Variants in DLGAP4 observed in about 807,000 individuals in gnomAD.
The protein encoded by DLGAP4 is DLG associated protein 4.
DLGAP4 carries 18 observed loss-of-function variants against 86.9 expected under a neutral mutation model. The observed-to-expected ratio is 0.21, with a 90% CI of 0.14 to 0.31. DLGAP4 has a LOEUF of 0.31. Among genes scored for constraint, DLGAP4 ranks in the 10% least tolerant of loss-of-function variants. DLGAP4 has a pLI of 1.00. For synonymous variants in DLGAP4, 548 were observed against 574.3 expected, an observed-to-expected ratio of 0.95 and a Z score of 0.65; for missense variants, 1,085 against 1,362.6, an observed-to-expected ratio of 0.80 and a Z score of 3.21.
At chr20:36,319,585 T>C (rs1465783619) in intron 1 of DLGAP4, among the ~76,000 whole-genome samples, 10 of 152,176 alleles carry the variant, frequency 6.6e-5, no homozygotes, top group Non-Finnish European at 1.5e-5. Flanking sequence ...GGCAGAGCCC[T>C]GCACAGAGGG....
At chr20:36,326,048 C>T (rs1406316847) in intron 1 of DLGAP4, among the ~76,000 whole-genome samples, 1 of 152,034 alleles carries the variant, frequency 6.6e-6, no homozygotes, top group African/African-American at 2.4e-5. Flanking sequence ...GTTAATGTAG[C>T]CCTCAAGATT....
At chr20:36,318,566 A>C (rs977506661) in intron 1 of DLGAP4, among the ~76,000 whole-genome samples, 11 of 151,974 alleles carry the variant, frequency 7.2e-5, no homozygotes. Context: ...TAAAGATAGG[A>C]TCTCGCTTTG....
chr20:36,496,470 G>T (rs2035891385), intron 7 of DLGAP4, among the ~76,000 whole-genome samples: 1 of 152,222 alleles, frequency 6.6e-6, no homozygotes, highest in African/African-American at 2.4e-5. Flanking sequence ...TTGGCCAGTG[G>T]TGGCATCCCC....
In DLGAP4 at chr20:36,326,835, G is replaced by A. The variant is rs75684759; in HGVS notation, c.-304+20323G>A. On this transcript the variant is annotated intron_variant, in intron 1 of 12. Transcript: ENST00000339266. ...CATTTTTTTAAGTTATTTTTGCTGG[G>A]CATGGAATTATAAGTTAACAGATTT... 9.0e-3 allele frequency among the ~76,000 whole-genome samples: 1,360 copies of A among 151,848 alleles called. 10 individuals are homozygous for A. Among genetic ancestry groups the A allele is most frequent in the Non-Finnish European group, 0.013 (898 of 67,938 alleles).
At chr20:36,461,877 C>G (rs2034095924) in intron 7 of DLGAP4, 7 of 985,028 alleles carry the variant, frequency 7.1e-6, no homozygotes, top group Non-Finnish European at 8.4e-6. Context: ...CGCGCTCCTC[C>G]GCAGCCCCTC....
rs368835058 is a variant in DLGAP4, at chr20:36,439,764, C to T, written c.1252C>T (p.Arg418Cys). ...CCCACTCCCCACCAGGAGTCTGGACCGCCTGGATTCAGTGGACATGCTGCT... is the reference window on the plus strand; with the variant it reads ...CCCACTCCCCACCAGGAGTCTGGACTGCCTGGATTCAGTGGACATGCTGCT... The part of the protein sequence containing the change: ...EQSNPRRSLD[R>C]LDSVDMLLPS... The change falls in exon 5 of 13, where the codon CGC (arginine) becomes TGC (cysteine). Residue 418 changes from arginine to cysteine, a missense_variant. Arg to Cys is a radical substitution (Grantham distance 180). This residue lies in a region of DLGAP4 where 1,082 missense variants were observed against 1,344.1 expected (regional missense o/e 0.81). Transcript: ENST00000339266. The T allele has an allele frequency of 5.0e-5, 81 of 1,613,106 alleles. No homozygotes were observed. In the Admixed American group the frequency reaches 5.5e-4, roughly 11 times the overall value.
At chr20:36,405,315 G>A (rs183627144) in intron 2 of DLGAP4, among the ~76,000 whole-genome samples, 62 of 152,288 alleles carry the variant, frequency 4.1e-4, no homozygotes, top group African/African-American at 1.4e-3. Flanking sequence ...CAGTCTCCTC[G>A]TCAGCAAAAT....
chr20:36,364,078 TTTG>T (rs782045786), intron 1 of DLGAP4, among the ~76,000 whole-genome samples: 2 of 152,016 alleles, frequency 1.3e-5, no homozygotes. Context: ...GCAGAATCTT[TTTG>T]TTTTGTTTTG....
chr20:36,472,500 C>CAAAAAAAAAAAAAAAAAAAAAAAAA (rs1217814412), intron 7 of DLGAP4, among the ~76,000 whole-genome samples: 1 of 76,352 alleles, frequency 1.3e-5, no homozygotes, highest in African/African-American at 4.5e-5. Flanking sequence ...AACCCTGTCT[C>CAAAAAAAAAAAAAAAAAAAAAAAAA]AAAAAAAAAA....
Position 36,432,589 on chromosome 20 carries a change from G to A in DLGAP4, c.872G>A (p.Arg291Gln), listed in dbSNP as rs771312585. 43 of 1,608,916 alleles carry A rather than the reference G, an allele frequency of 2.7e-5. No homozygotes were observed. The highest frequency in any genetic ancestry group is 3.1e-5 in the Non-Finnish European group (36 of 1,178,228). Residue 291 changes from arginine (R) to glutamine (Q), a missense_variant, in exon 3 of 13, where the codon CGG becomes CAG. This residue lies in a region of DLGAP4 where 1,082 missense variants were observed against 1,344.1 expected (regional missense o/e 0.81). Coordinates refer to ENST00000339266, the MANE Select transcript of DLGAP4 (RefSeq NM_001365621.2). This position sits in a 1 kb window ranked among gnomAD's most constrained non-coding sequence, Gnocchi z 6.5. Reference sequence around the variant, plus strand: ...GGCACTGACACCAACTACGTCAAACGGGGCTCCTGGTCCACTCTGACCCTC... The same window carrying A: ...GGCACTGACACCAACTACGTCAAACAGGGCTCCTGGTCCACTCTGACCCTC... ...GVGTDTNYVK[R>Q]GSWSTLTLSH...
intron 2 of DLGAP4, among the ~76,000 whole-genome samples, chr20:36,387,047 A>G (rs1210449788): frequency 6.6e-6 from 1 of 152,164 alleles, no homozygotes; most frequent in South Asian, 2.1e-4. Context: ...ATCTCTGTGA[A>G]TATGCATTAG....
Position 36,431,743 on chromosome 20 carries a change from C to T in DLGAP4, c.26C>T (p.Pro9Leu), listed in dbSNP as rs748210279. Residue 9 changes from proline (P) to leucine (L), a missense_variant, in exon 3 of 13, where the codon CCC becomes CTC. By Grantham distance (98) the Pro-to-Leu change is moderately conservative. This residue lies in a region of DLGAP4 where 1,082 missense variants were observed against 1,344.1 expected (regional missense o/e 0.81). Coordinates refer to ENST00000339266, the MANE Select transcript of DLGAP4 (RefSeq NM_001365621.2). The surrounding 1 kb of genome is among the most constrained non-coding windows in gnomAD (Gnocchi z 5.1). MKGLGDSR[P>L]RHLSDSLDPP... ...ATGAAAGGCCTCGGTGACAGCCGCC[C>T]CCGCCACCTCTCCGACAGCCTAGAC... The T allele has an allele frequency of 1.5e-5, 24 of 1,602,966 alleles. 1 individual carries two copies. In the South Asian group the frequency reaches 2.3e-4, roughly 16 times the overall value.
intron 2 of DLGAP4, among the ~76,000 whole-genome samples, chr20:36,428,600 A>G (rs2033043380): frequency 6.6e-6 from 1 of 152,182 alleles, no homozygotes; most frequent in Admixed American, 6.5e-5. Flanking sequence ...TGGTGGATCC[A>G]GCCCCCACAC....
At chr20:36,515,502 G>A (rs1218077195) in intron 10 of DLGAP4, among the ~76,000 whole-genome samples, 1 of 152,222 alleles carries the variant, frequency 6.6e-6, no homozygotes, top group Non-Finnish European at 1.5e-5. Flanking sequence ...AATAGGTAGT[G>A]TAGTCCATTT....
intron 1 of DLGAP4, among the ~76,000 whole-genome samples, chr20:36,321,354 G>A (rs1555890523): frequency 6.6e-6 from 1 of 152,274 alleles, no homozygotes; most frequent in Non-Finnish European, 1.5e-5. Context: ...AGAGCCTCAA[G>A]TGCCAGGCTG....
rs2147618807 is a variant in DLGAP4, at chr20:36,461,873, C to G, written c.1648+14936C>G. 2.0e-6 allele frequency: 2 copies of G among 984,948 alleles called. 1 individual carries two copies. The highest frequency in any genetic ancestry group is 9.4e-5 in the South Asian group (2 of 21,318). 61.0% of individuals were successfully genotyped at this position (984,948 alleles called of 1,614,324 possible). On this transcript the variant is annotated intron_variant, in intron 7 of 12. Coordinates refer to ENST00000339266, the MANE Select transcript of DLGAP4 (RefSeq NM_001365621.2). ...GTCTCTTTGTCTCTGCCCTCGCGCT[C>G]CTCCGCAGCCCCTCCCTCGCTCCCC...
At chr20:36,309,194 C>T (rs1053287099) in intron 1 of DLGAP4, among the ~76,000 whole-genome samples, 12 of 152,330 alleles carry the variant, frequency 7.9e-5, no homozygotes, top group Middle Eastern at 3.4e-3. Context: ...AAGCCTTCCT[C>T]GATGCCCAGG....
intron 7 of DLGAP4, among the ~76,000 whole-genome samples, chr20:36,467,052 CTCTCTCT>C (rs2034430665): frequency 3.7e-5 from 5 of 134,308 alleles, no homozygotes; most frequent in African/African-American, 7.1e-5. Context: ...CTCTCTCTCT[CTCTCTCT>C]CTCTCCCCCC....
intron 7 of DLGAP4, among the ~76,000 whole-genome samples, chr20:36,473,365 C>T (rs2034762687): frequency 1.3e-5 from 2 of 152,162 alleles, no homozygotes; most frequent in African/African-American, 4.8e-5. Flanking sequence ...AGACCCTTCC[C>T]TTCTCTGGCC....
Sources: allele counts gnomAD v4.1 joint callset (sites outside exome capture counted in the v4.1 genomes callset), GRCh38; gene constraint gnomAD v4.1.1; regional missense constraint gnomAD v4.1.1; non-coding constraint Gnocchi (gnomAD v3.1); transcripts MANE v1.5; gene names NCBI Gene and HGNC (gene_info 2026-07-23, HGNC 2026-07-21).